LARP1B: variants seen among roughly 807,000 people sequenced by gnomAD.
LARP1B encodes la-related protein 1B.
In LARP1B, 76 loss-of-function variants were observed where a neutral mutation model predicts 114.2. That is an observed-to-expected ratio of 0.67 (90% CI 0.55 to 0.81). LARP1B has a LOEUF of 0.81. Among genes scored for constraint, LARP1B ranks in the 30% least tolerant of loss-of-function variants. LARP1B has a pLI of 0.00. For synonymous variants in LARP1B, 345 were observed against 348.0 expected (o/e 0.99, Z 0.10); for missense variants, 1,014 against 1,075.8 (o/e 0.94, Z 0.80).
At chr4:128,133,076 G>T (rs572220983) in intron 11 of LARP1B, among the ~76,000 whole-genome samples, 29 of 152,244 alleles carry the variant, frequency 1.9e-4, no homozygotes, top group Non-Finnish European at 7.4e-5. Context: ...AGGCAGTAAT[G>T]AGAGCGATAG....
chr4:128,144,269 A>G (rs901099836), intron 11 of LARP1B, among the ~76,000 whole-genome samples: 4 of 152,112 alleles, frequency 2.6e-5, no homozygotes, highest in Non-Finnish European at 5.9e-5. Context: ...TTACTTTACC[A>G]TTGATTTTCA....
chr4:128,121,786 TAGAA>T (rs1788058693), intron 10 of LARP1B, 36 bp from the exon 11 acceptor site: 1 of 1,363,322 alleles, frequency 7.3e-7, no homozygotes, highest in Non-Finnish European at 9.8e-7. Flanking sequence ...TTAAAAATGA[TAGAA>T]AGTTTTTTAT....
intron 11 of LARP1B, among the ~76,000 whole-genome samples, chr4:128,137,146 A>T (rs570029428): frequency 2.0e-5 from 3 of 152,064 alleles, no homozygotes; most frequent in Non-Finnish European, 4.4e-5. Flanking sequence ...GACTTTAATT[A>T]AAAAAACTCC....
rs974702913 is a variant in LARP1B at position 128,123,675 on chromosome 4, G to A, written c.1524+1487G>A. On this transcript the variant is annotated intron_variant, in intron 11 of 19. Transcript: ENST00000326639. ...AGAAATGTTCAATTCATGTTTGTGG[G>A]TAAATAAATTATGGAGTAAACATTA... is the stretch of plus-strand genomic sequence containing the variant. The A allele has an allele frequency of 7.2e-5, 61 of 847,612 alleles. No homozygotes were observed. The Middle Eastern group carries it at 1.8e-3, about 25-fold the overall frequency. 52.5% of individuals were successfully genotyped at this position (847,612 alleles called of 1,614,324 possible). A position where few individuals can be genotyped will look rare whatever the true frequency, so the allele number is the denominator to read the frequency against.
chr4:128,070,245 G>C (rs370607269), intron 1 of LARP1B, among the ~76,000 whole-genome samples: 1 of 152,128 alleles, frequency 6.6e-6, no homozygotes, highest in East Asian at 1.9e-4. Flanking sequence ...GGGTGAAGCC[G>C]GGAGGCGGAG....
Position 128,209,451 on chromosome 4 carries a change from A to G in LARP1B, c.2548-405A>G, listed in dbSNP as rs537685032. Among the ~76,000 whole-genome samples, 33 of 152,184 alleles carry G rather than the reference A, an allele frequency of 2.2e-4. No homozygotes were observed. In the South Asian group the frequency reaches 4.1e-3, roughly 19 times the overall value. On this transcript the variant is annotated intron_variant, in intron 19 of 19. Transcript: ENST00000326639. Reference sequence around the variant, plus strand: ...AAAAACAAAAAACAAGCAAACAAAAAAAACACTCGGGCTACAGAGTGAGAC... The same window carrying G: ...AAAAACAAAAAACAAGCAAACAAAAGAAACACTCGGGCTACAGAGTGAGAC...
At chr4:128,175,730 C>G (rs962947376) in intron 12 of LARP1B, among the ~76,000 whole-genome samples, 3 of 151,956 alleles carry the variant, frequency 2.0e-5, no homozygotes, top group Admixed American at 2.0e-4. Flanking sequence ...GTTTATTAAT[C>G]CATTTCGGTC....
intron 11 of LARP1B, among the ~76,000 whole-genome samples, chr4:128,137,240 A>G (rs1725730779): frequency 6.6e-6 from 1 of 152,172 alleles, no homozygotes; most frequent in African/African-American, 2.4e-5. Flanking sequence ...AAAAAAAACA[A>G]AAAACAAAAA....
chr4:128,157,092 T>G (rs1425510396), intron 11 of LARP1B, among the ~76,000 whole-genome samples: 1 of 151,924 alleles, frequency 6.6e-6, no homozygotes, highest in South Asian at 2.1e-4. Context: ...AGACCCCTAG[T>G]GATCCAGAAA....
Position 128,108,358 on chromosome 4 carries a change from C to T in LARP1B, c.988+1045C>T, listed in dbSNP as rs1315938513. 4 of 990,944 alleles carry T rather than the reference C, an allele frequency of 4.0e-6. No homozygotes were observed. The African/African-American group carries it at 5.2e-5, about 13-fold the overall frequency. The allele number at this position is 990,944 out of a possible 1,614,324, so 61.4% of individuals were successfully genotyped here. A position where few individuals can be genotyped will look rare whatever the true frequency, so the allele number is the denominator to read the frequency against. ...TCGATTTGCCTTTCAGTGTAGTGTA[C>T]ATTGTAAAACTCAGATATTGTCATG... On this transcript the variant is annotated intron_variant, in intron 9 of 19. Coordinates refer to ENST00000326639, the MANE Select transcript of LARP1B (RefSeq NM_018078.4).
chr4:128,068,647 C>G (rs1230595334), intron 1 of LARP1B, among the ~76,000 whole-genome samples: 1 of 151,550 alleles, frequency 6.6e-6, no homozygotes, highest in African/African-American at 2.4e-5. Flanking sequence ...TTGGCGGCCT[C>G]AAAGGATTCC....
intron 9 of LARP1B, chr4:128,107,898 TCTG>T (rs1328563010): frequency 2.0e-6 from 3 of 1,536,026 alleles, no homozygotes; most frequent in Middle Eastern, 1.7e-4. Context: ...GTGATGATCT[TCTG>T]AAGCTCTTGG....
At chr4:128,171,805 T>A (rs1178384999) in intron 12 of LARP1B, among the ~76,000 whole-genome samples, 1 of 152,250 alleles carries the variant, frequency 6.6e-6, no homozygotes, top group Non-Finnish European at 1.5e-5. Flanking sequence ...CTGTTAGTGA[T>A]TCAAAACTGT....
intron 11 of LARP1B, among the ~76,000 whole-genome samples, chr4:128,144,761 A>G (rs1729593784): frequency 6.6e-6 from 1 of 152,034 alleles, no homozygotes; most frequent in African/African-American, 2.4e-5. Context: ...AAAGTTTTTC[A>G]GTTCTGGAAT....
At chr4:128,126,343 G>A (rs1315283285) in intron 11 of LARP1B, among the ~76,000 whole-genome samples, 1 of 151,848 alleles carries the variant, frequency 6.6e-6, no homozygotes, top group African/African-American at 2.4e-5. Context: ...GGCTGGTCTC[G>A]AACTCCTGAC....
At chr4:128,216,842 C>T (rs1578842204), downstream of LARP1B, among the ~76,000 whole-genome samples, 2 of 152,230 alleles carry the variant, frequency 1.3e-5, no homozygotes, top group African/African-American at 2.4e-5. Context: ...TTCAAAAAAT[C>T]AGTGAATCCA....
chr4:128,190,564 C>T (rs1011856617), intron 15 of LARP1B, among the ~76,000 whole-genome samples: 1 of 152,102 alleles, frequency 6.6e-6, no homozygotes, highest in Non-Finnish European at 1.5e-5. Context: ...CCATGCCGTT[C>T]TTGTGATAGT....
chr4:128,085,513 G>A (rs776834319), intron 5 of LARP1B, among the ~76,000 whole-genome samples: 1 of 151,694 alleles, frequency 6.6e-6, no homozygotes, highest in East Asian at 1.9e-4. Context: ...TGACAGGTGC[G>A]TGCCACCATG....
At chr4:128,209,176 T>G (rs1173187744) in intron 19 of LARP1B, among the ~76,000 whole-genome samples, 1 of 152,136 alleles carries the variant, frequency 6.6e-6, no homozygotes, top group Non-Finnish European at 1.5e-5. Context: ...CTCAGCACTT[T>G]GGGAGGCCGA....
Sources: allele counts gnomAD v4.1 joint callset (sites outside exome capture counted in the v4.1 genomes callset), GRCh38; gene constraint gnomAD v4.1.1; transcripts MANE v1.5; gene names NCBI Gene and HGNC (gene_info 2026-07-23, HGNC 2026-07-21).